Variants in SBNO2 observed in about 807,000 individuals in gnomAD.
SBNO2 encodes the protein strawberry notch homolog 2.
In SBNO2, 89 loss-of-function variants were observed where a neutral mutation model predicts 146.3. The ratio of observed to expected loss-of-function variants is 0.61; its 90% CI spans 0.51 to 0.73. The LOEUF (loss-of-function observed/expected upper bound fraction) is 0.73. SBNO2 is among the 30% of genes least tolerant of loss of function. SBNO2 has a pLI of 0.00. For synonymous variants in SBNO2, 1,147 were observed against 892.6 expected, an observed-to-expected ratio of 1.29 and a Z score of -5.08; for missense variants, 2,092 against 2,003.7, an observed-to-expected ratio of 1.04 and a Z score of -0.84.
rs1476726877 is a variant in SBNO2, at chr19:1,113,712, G to A, written c.2078-8C>T. ...GCAGGAGGCACAGGGGTCCTAGGGAGGAGGTGGAGGGTCAGGGCAGGACAT... is the reference window on the plus strand; with the variant it reads ...GCAGGAGGCACAGGGGTCCTAGGGAAGAGGTGGAGGGTCAGGGCAGGACAT... On this transcript the variant is annotated splice_polypyrimidine_tract_variant and splice_region_variant and intron_variant, in intron 18 of 31. Transcript: ENST00000361757. 6.5e-7 allele frequency: 1 copy of A among 1,528,126 alleles called. No homozygotes were observed. The highest frequency in any genetic ancestry group is 8.8e-7 in the Non-Finnish European group (1 of 1,139,700). The allele number at this position is 1,528,126 out of a possible 1,614,324, so 94.7% of individuals were successfully genotyped here.
At chr19:1,111,962 G>C in intron 23 of SBNO2, 34 bp downstream of exon 23, 1 of 1,505,328 alleles carries the variant, frequency 6.6e-7, no homozygotes, top group Non-Finnish European at 9.1e-7. Flanking sequence ...CCCTGCCCCT[G>C]CCCCGCCCCC....
At position 1,144,137 on chromosome 19, in the gene SBNO2, C is replaced by T. The variant is rs911036926; in HGVS notation, c.279+3172G>A. Among the ~76,000 whole-genome samples, 13 of 151,672 alleles carry T rather than the reference C, an allele frequency of 8.6e-5. No homozygotes were observed. Among genetic ancestry groups the T allele is most frequent in the Non-Finnish European group, 1.5e-4 (10 of 67,880 alleles). On this transcript the variant is annotated intron_variant, in intron 4 of 31. Transcript: ENST00000361757. This position sits in a 1 kb window ranked among gnomAD's most constrained non-coding sequence, Gnocchi z 4.1. ...CCACAGGCCTGGGCTGACTCATACC[C>T]GTCCCGTCCCACACTTGGCACCGCG... is the stretch of plus-strand genomic sequence containing the variant.
At chr19:1,130,590 A>G (rs901211932) in intron 4 of SBNO2, among the ~76,000 whole-genome samples, 5 of 152,154 alleles carry the variant, frequency 3.3e-5, no homozygotes, top group African/African-American at 1.2e-4. Flanking sequence ...CCAGGAGTTC[A>G]AGACCAGCCT....
intron 23 of SBNO2, 50 bp downstream of exon 23, chr19:1,111,946 C>T: frequency 6.6e-7 from 1 of 1,507,062 alleles, no homozygotes; most frequent in Non-Finnish European, 9.0e-7. Flanking sequence ...CCGGCCCTCC[C>T]TAGACCCCTG....
rs369739937 is a variant in SBNO2 at position 1,109,126 on chromosome 19, C to T, written c.3425+9G>A. Reference sequence around the variant, plus strand: ...GCCGGTTTCCCCCTGGTCCCCGGCCCGCCCTCACCAGGCGCTGTGGCTGCA... The same window carrying T: ...GCCGGTTTCCCCCTGGTCCCCGGCCTGCCCTCACCAGGCGCTGTGGCTGCA... On this transcript the variant is annotated intron_variant, in intron 30 of 31. Coordinates refer to ENST00000361757, the MANE Select transcript of SBNO2 (RefSeq NM_014963.3). The surrounding 1 kb of genome is among the most constrained non-coding windows in gnomAD (Gnocchi z 4.2). 1,411 of 1,550,360 alleles carry T rather than the reference C, an allele frequency of 9.1e-4. 4 individuals carry two copies. Among genetic ancestry groups the T allele is most frequent in the Non-Finnish European group, 8.7e-4 (995 of 1,147,308 alleles).
rs941556603 is a variant in SBNO2 at position 1,119,611 on chromosome 19, C to T, written c.1278G>A (p.Glu426=). 2.5e-6 allele frequency: 4 copies of T among 1,607,770 alleles called. No homozygotes were observed. The highest frequency in any genetic ancestry group is 2.5e-6 in the Non-Finnish European group (3 of 1,177,502). The change falls in exon 13 of 32, where the codon GAG becomes GAA. Residue 426 remains glutamate (E), a synonymous_variant. Transcript: ENST00000361757. ...GGCTCATGTAGATCATGTTCCGAGG[C>T]TCAGAGGCACCTGTGGGGGGAAGCT... The part of the protein sequence containing the change: ...VVYASATGAS[E]PRNMIYMSRL...
intron 1 of SBNO2, among the ~76,000 whole-genome samples, chr19:1,165,143 C>T (rs1292015860): frequency 1.3e-5 from 2 of 152,130 alleles, no homozygotes. Context: ...CCCCGCCATG[C>T]GAGGGAGGAC....
At chr19:1,134,117 TGGACCCACAGCCCATA>T (rs1174974962) in intron 4 of SBNO2, among the ~76,000 whole-genome samples, 15 of 142,142 alleles carry the variant, frequency 1.1e-4, no homozygotes, top group Non-Finnish European at 2.2e-4. Flanking sequence ...AGCTCATGGG[TGGACCCACAGCCCATA>T]GGACCCACAG....
At chr19:1,147,957 G>T (rs777955806) in intron 3 of SBNO2, among the ~76,000 whole-genome samples, 10 of 152,148 alleles carry the variant, frequency 6.6e-5, no homozygotes, top group Non-Finnish European at 1.3e-4. Context: ...CCCGCCCAGG[G>T]GCGCCTCTCT....
At chr19:1,159,839 A>T (rs1419177643) in intron 1 of SBNO2, among the ~76,000 whole-genome samples, 1 of 151,272 alleles carries the variant, frequency 6.6e-6, no homozygotes, top group Non-Finnish European at 1.5e-5. Context: ...CACATTCAAG[A>T]CATCCGTGAG....
chr19:1,149,785 G>A (rs536839862), intron 2 of SBNO2, among the ~76,000 whole-genome samples: 22 of 152,304 alleles, frequency 1.4e-4, no homozygotes, highest in South Asian at 1.0e-3. Flanking sequence ...CGCTGGCCCC[G>A]GGACCCTGCT....
chr19:1,117,441 C>T lies in SBNO2; in HGVS notation c.1586G>A (p.Arg529His), dbSNP rs770290202. 1.9e-6 allele frequency: 3 copies of T among 1,589,128 alleles called. No individual in the cohort carries two copies. Among genetic ancestry groups the T allele is most frequent in the Non-Finnish European group, 1.7e-6 (2 of 1,169,372 alleles). Residue 529 changes from arginine (R) to histidine (H), a missense_variant, in exon 15 of 32, where the codon CGC becomes CAC. Arg to His is a conservative substitution (Grantham distance 29). Transcript: ENST00000361757. ...QAADWIGLESRKSLWGQFWSA... is the reference protein window; with the variant it reads ...QAADWIGLESHKSLWGQFWSA... ...CCAGAACTGGCCCCACAGGGACTTG[C>T]GCGACTCCAGGCCGATCCAGTCGGC...
intron 2 of SBNO2, 126 bp from the exon 3 acceptor site, chr19:1,149,568 C>T (rs2080224088): frequency 1.2e-6 from 1 of 809,930 alleles, no homozygotes; most frequent in African/African-American, 1.7e-5. Context: ...TCCCATCCCG[C>T]CCCTGCTGGT....
At chr19:1,133,576 ACCT>A (rs2080055822) in intron 4 of SBNO2, among the ~76,000 whole-genome samples, 1 of 151,580 alleles carries the variant, frequency 6.6e-6, no homozygotes, top group Admixed American at 6.6e-5. Flanking sequence ...ACGACCCATC[ACCT>A]CCTGGAGGCT....
chr19:1,154,282 G>A lies in SBNO2; in HGVS notation c.-6C>T, dbSNP rs567530492. The A allele has an allele frequency of 5.7e-5, 72 of 1,259,502 alleles. No homozygotes were observed. Among genetic ancestry groups the A allele is most frequent in the South Asian group, 4.8e-4 (13 of 27,016 alleles). 78.0% of individuals were successfully genotyped at this position (1,259,502 alleles called of 1,614,324 possible). On this transcript the variant is annotated 5_prime_UTR_variant, in exon 2 of 32. Transcript: ENST00000361757. The stretch of plus-strand genomic sequence containing the variant: ...GCGGGCCCCACTGCAAGCATCGGGC[G>A]GCAGGCGGGGTGGGGTCCTCGGCCG...
chr19:1,142,167 T>C (rs1012614615), intron 4 of SBNO2, among the ~76,000 whole-genome samples: 118 of 56,114 alleles, frequency 2.1e-3, no homozygotes, highest in Middle Eastern at 0.017. Context: ...CCTCACTCAA[T>C]GACCTCCCTC....
At chr19:1,164,229 C>T (rs559822076) in intron 1 of SBNO2, among the ~76,000 whole-genome samples, 1 of 152,300 alleles carries the variant, frequency 6.6e-6, no homozygotes, top group Non-Finnish European at 1.5e-5. Flanking sequence ...TTCCCAAGCT[C>T]GGAGATGGCC....
intron 4 of SBNO2, among the ~76,000 whole-genome samples, chr19:1,133,570 C>T (rs1057456600): frequency 4.6e-5 from 7 of 152,366 alleles, no homozygotes; most frequent in African/African-American, 1.7e-4. Flanking sequence ...CTTGCCACGA[C>T]CCATCACCTC....
intron 1 of SBNO2, among the ~76,000 whole-genome samples, chr19:1,159,248 C>CT (rs1462145976): frequency 6.6e-6 from 1 of 151,916 alleles, no homozygotes; most frequent in Non-Finnish European, 1.5e-5. Flanking sequence ...GCAGAGAGCC[C>CT]TGCAAGCTCA....
Sources: allele counts gnomAD v4.1 joint callset (sites outside exome capture counted in the v4.1 genomes callset), GRCh38; gene constraint gnomAD v4.1.1; non-coding constraint Gnocchi (gnomAD v3.1); transcripts MANE v1.5; gene names NCBI Gene and HGNC (gene_info 2026-07-23, HGNC 2026-07-21).